Variants in SEMA3A observed in about 807,000 individuals in gnomAD.
The protein encoded by SEMA3A is semaphorin-3A.
SEMA3A carries 29 observed loss-of-function variants against 97.9 expected under a neutral mutation model. That is an observed-to-expected ratio of 0.30 (90% CI 0.22 to 0.40). The LOEUF is 0.40. Ranked by LOEUF, SEMA3A falls within the 10% of genes least tolerant of loss-of-function variation. The probability of loss-of-function intolerance (pLI) is 1.00; values close to 1 mark genes in which losing one functional copy is unlikely to be tolerated. For synonymous variants in SEMA3A, 321 were observed against 323.7 expected, an observed-to-expected ratio of 0.99 and a Z score of 0.09; for missense variants, 763 against 951.3, an observed-to-expected ratio of 0.80 and a Z score of 2.60.
intron 1 of SEMA3A, among the ~76,000 whole-genome samples, chr7:84,413,871 G>A (rs576666225): frequency 1.3e-5 from 2 of 152,178 alleles, no homozygotes; most frequent in South Asian, 2.1e-4. Context: ...TTACATGCCA[G>A]GACATATAAT....
intron 14 of SEMA3A, among the ~76,000 whole-genome samples, chr7:83,978,014 AGGAT>A (rs1293027210): frequency 1.3e-5 from 2 of 152,028 alleles, no homozygotes; most frequent in Non-Finnish European, 2.9e-5. Flanking sequence ...CGTGTTAGCC[AGGAT>A]GGTCTCGATC....
intron 1 of SEMA3A, among the ~76,000 whole-genome samples, chr7:84,450,240 C>A (rs575885634): frequency 6.6e-6 from 1 of 152,266 alleles, no homozygotes; most frequent in East Asian, 1.9e-4. Flanking sequence ...ACACTTCTCT[C>A]TTTCTCTCTC....
chr7:84,450,545 C>T (rs921323913), intron 1 of SEMA3A, among the ~76,000 whole-genome samples: 2 of 152,198 alleles, frequency 1.3e-5, no homozygotes, highest in Admixed American at 1.3e-4. Context: ...GTAGACAAGA[C>T]TCCATCCATT....
At chr7:84,268,630 C>T (rs932426730) in intron 3 of SEMA3A, among the ~76,000 whole-genome samples, 3 of 152,006 alleles carry the variant, frequency 2.0e-5, no homozygotes, top group Non-Finnish European at 2.9e-5. Context: ...AGGGACCCAC[C>T]CTCAGGGTTA....
intron 6 of SEMA3A, among the ~76,000 whole-genome samples, chr7:84,037,962 C>A (rs1033982219): frequency 6.6e-6 from 1 of 151,878 alleles, no homozygotes; most frequent in Non-Finnish European, 1.5e-5. Context: ...CATCTAGATA[C>A]ACATCTTCTT....
chr7:84,312,585 G>A (rs1801352995), intron 2 of SEMA3A, among the ~76,000 whole-genome samples: 1 of 150,788 alleles, frequency 6.6e-6, no homozygotes, highest in Non-Finnish European at 1.5e-5. Context: ...TTATTTACAT[G>A]TATATATACC....
chr7:84,113,981 A>C (rs933340), intron 3 of SEMA3A, among the ~76,000 whole-genome samples: 74,647 of 151,778 alleles, frequency 0.49, 19,437 homozygotes, highest in East Asian at 0.71. Context: ...ATAAATTTAG[A>C]AGAAAATGTC....
At chr7:84,232,870 T>C (rs1173211939) in intron 3 of SEMA3A, among the ~76,000 whole-genome samples, 1 of 151,988 alleles carries the variant, frequency 6.6e-6, no homozygotes, top group Non-Finnish European at 1.5e-5. Flanking sequence ...CCTCAAAGAT[T>C]CTTCCCATGA....
chr7:84,079,180 T>A, intron 4 of SEMA3A, among the ~76,000 whole-genome samples: 1 of 152,086 alleles, frequency 6.6e-6, no homozygotes, highest in East Asian at 1.9e-4. Context: ...TGTGAAAAAT[T>A]GTACTGTAGG....
chr7:84,144,157 T>A (rs902430074), intron 1 of SEMA3A, among the ~76,000 whole-genome samples: 9 of 151,264 alleles, frequency 5.9e-5, no homozygotes, highest in Non-Finnish European at 8.8e-5. Context: ...TATGAAAAAA[T>A]AATAATAATA....
At chr7:84,456,566 T>C (rs545516228) in intron 1 of SEMA3A, among the ~76,000 whole-genome samples, 4 of 151,992 alleles carry the variant, frequency 2.6e-5, no homozygotes, top group South Asian at 4.1e-4. Flanking sequence ...TTACATTTCG[T>C]AAATATTTAT....
chr7:84,272,699 C>T (rs1584190533), intron 3 of SEMA3A, among the ~76,000 whole-genome samples: 1 of 152,020 alleles, frequency 6.6e-6, no homozygotes, highest in Non-Finnish European at 1.5e-5. Flanking sequence ...CCCACACTTC[C>T]ACCAAGTTAA....
chr7:84,308,242 C>T (rs946466368), intron 2 of SEMA3A, among the ~76,000 whole-genome samples: 1 of 151,990 alleles, frequency 6.6e-6, no homozygotes, highest in African/African-American at 2.4e-5. Flanking sequence ...TTTCGGCAGA[C>T]ATTTATTGGA....
chr7:84,435,682 A>C (rs890700765), intron 1 of SEMA3A, among the ~76,000 whole-genome samples: 3 of 152,136 alleles, frequency 2.0e-5, no homozygotes, highest in Admixed American at 6.5e-5. Context: ...GATGACACAA[A>C]CAAATGCGAA....
chr7:84,011,201 T>A lies in SEMA3A; in HGVS notation c.907A>T (p.Thr303Ser). 1 of 1,613,256 alleles carries A rather than the reference T, an allele frequency of 6.2e-7. No homozygotes were observed. Among genetic ancestry groups the A allele is most frequent in the Non-Finnish European group, 8.5e-7 (1 of 1,179,240 alleles). Residue 303 changes from threonine to serine, a missense_variant, in exon 8 of 17, where the codon ACT (threonine) becomes TCT (serine). By Grantham distance (58) the Thr-to-Ser change is moderately conservative (BLOSUM62 1). Around this residue, in one of 2 missense-constraint regions of SEMA3A, gnomAD observed 678 missense variants for 881.3 expected, o/e 0.77. Transcript: ENST00000265362. ...CSVPGPNGID[T>S]HFDELQDVFL... Reference sequence around the variant, plus strand: ...TTCTTACGCAGTTCATCAAAATGAGTGTCAATGCCATTTGGACCTGGCACT... The same window carrying A: ...TTCTTACGCAGTTCATCAAAATGAGAGTCAATGCCATTTGGACCTGGCACT...
intron 2 of SEMA3A, among the ~76,000 whole-genome samples, chr7:84,369,465 CT>C (rs1388652969): frequency 6.6e-6 from 1 of 151,028 alleles, no homozygotes; most frequent in Non-Finnish European, 1.5e-5. Flanking sequence ...TGAAATGTAG[CT>C]TGTTTAAGAG....
At chr7:84,227,643 C>T (rs939311692) in intron 3 of SEMA3A, among the ~76,000 whole-genome samples, 1 of 152,042 alleles carries the variant, frequency 6.6e-6, no homozygotes, top group African/African-American at 2.4e-5. Context: ...CATTCTACTT[C>T]AAGGTATTAG....
At chr7:83,987,376 T>A (rs1789680864) in intron 12 of SEMA3A, among the ~76,000 whole-genome samples, 1 of 152,172 alleles carries the variant, frequency 6.6e-6, no homozygotes, top group Non-Finnish European at 1.5e-5. Flanking sequence ...AAGTACTTAT[T>A]CATTCCATTC....
intron 3 of SEMA3A, among the ~76,000 whole-genome samples, chr7:84,222,060 T>C (rs968602355): frequency 6.6e-6 from 1 of 152,010 alleles, no homozygotes; most frequent in Admixed American, 6.6e-5. Flanking sequence ...GAATATAATC[T>C]AGTCATTGCT....
Sources: allele counts gnomAD v4.1 joint callset (sites outside exome capture counted in the v4.1 genomes callset), GRCh38; gene constraint gnomAD v4.1.1; regional missense constraint gnomAD v4.1.1; transcripts MANE v1.5; gene names NCBI Gene and HGNC (gene_info 2026-07-23, HGNC 2026-07-21).